R3HDM2: variants seen among roughly 807,000 people sequenced by gnomAD.
R3HDM2 encodes the protein R3H domain-containing protein 2.
A neutral mutation model predicts 124.5 loss-of-function variants in R3HDM2; 38 were observed. That is an observed-to-expected ratio of 0.31 (90% CI 0.24 to 0.40). The LOEUF (loss-of-function observed/expected upper bound fraction) is 0.40. R3HDM2 is among the 10% of genes least tolerant of loss of function. R3HDM2 has a pLI of 1.00. For synonymous variants in R3HDM2, 391 were observed against 448.0 expected (o/e 0.87, Z 1.61); for missense variants, 869 against 1,236.9 (o/e 0.70, Z 4.46).
At chr12:57,264,251 A>G (rs927958965) in intron 19 of R3HDM2, among the ~76,000 whole-genome samples, 3 of 148,758 alleles carry the variant, frequency 2.0e-5, no homozygotes, top group African/African-American at 7.4e-5. Flanking sequence ...CAAAAAAAAA[A>G]AAAAAGACTT....
Position 57,268,296 on chromosome 12 carries a change from T to C in R3HDM2, c.2030+7A>G. On this transcript the variant is annotated splice_region_variant and intron_variant, in intron 18 of 23. Transcript: ENST00000402412. Reference sequence around the variant, plus strand: ...ATGTCCTGTCCTGGCTCTCTGGGAGTCCTCACCTCGTACCGTTCTGCTGAG... The same window carrying C: ...ATGTCCTGTCCTGGCTCTCTGGGAGCCCTCACCTCGTACCGTTCTGCTGAG... 1 of 1,612,072 alleles carries C rather than the reference T, an allele frequency of 6.2e-7. No homozygotes were observed. The highest frequency in any genetic ancestry group is 1.1e-5 in the South Asian group (1 of 90,860).
intron 2 of R3HDM2, among the ~76,000 whole-genome samples, chr12:57,357,242 A>C (rs908267582): frequency 5.9e-5 from 9 of 152,154 alleles, no homozygotes; most frequent in Non-Finnish European, 4.4e-5. Flanking sequence ...TGGGTGAATC[A>C]CCTGAGGTCA....
chr12:57,346,411 C>G (rs999809560), intron 2 of R3HDM2, among the ~76,000 whole-genome samples: 7 of 145,856 alleles, frequency 4.8e-5, no homozygotes, highest in African/African-American at 1.8e-4. Flanking sequence ...TGAGCCAAGA[C>G]CGTGCCATTG....
At chr12:57,412,569 A>T (rs1376072732) in intron 1 of R3HDM2, among the ~76,000 whole-genome samples, 1 of 152,016 alleles carries the variant, frequency 6.6e-6, no homozygotes, top group Admixed American at 6.6e-5. Context: ...AAACAAACAC[A>T]CAAAACCCAC....
In R3HDM2 at chr12:57,282,438, C is replaced by T. The variant is rs78926028; in HGVS notation, c.1171+1386G>A. On this transcript the variant is annotated intron_variant, in intron 13 of 23. Coordinates refer to ENST00000402412, the MANE Select transcript of R3HDM2 (RefSeq NM_001394031.1). ...TACTATTCAGGTGAGGATGCAGAAA[C>T]GAACATTTTTAAAAGACTACTGATG... 2.0e-3 allele frequency among the ~76,000 whole-genome samples: 311 copies of T among 152,098 alleles called. 2 individuals carry two copies. The highest frequency in any genetic ancestry group is 7.0e-3 in the African/African-American group (289 of 41,474).
At chr12:57,256,363 A>C in intron 22 of R3HDM2, 51 bp downstream of exon 22, 14 of 1,418,222 alleles carry the variant, frequency 9.9e-6, no homozygotes, top group Non-Finnish European at 1.3e-5. Flanking sequence ...ACAGGCACCC[A>C]AATAAGAAGA....
chr12:57,291,877 C>T (rs1417743748), intron 11 of R3HDM2, among the ~76,000 whole-genome samples: 1 of 152,124 alleles, frequency 6.6e-6, no homozygotes, highest in African/African-American at 2.4e-5. Flanking sequence ...GCAAAGGCAA[C>T]CAGATACAGG....
At chr12:57,357,378 C>T (rs918614604) in intron 2 of R3HDM2, among the ~76,000 whole-genome samples, 2 of 151,666 alleles carry the variant, frequency 1.3e-5, no homozygotes, top group Admixed American at 6.6e-5. Flanking sequence ...AGGAGAATCG[C>T]TTGAACCTAG....
Position 57,336,925 on chromosome 12 carries a change from TA to T in R3HDM2, c.-35-26463del, listed in dbSNP as rs1428101995. Among the ~76,000 whole-genome samples the T allele has an allele frequency of 3.9e-5, 6 of 152,218 alleles. No homozygotes were observed. In the South Asian group the frequency reaches 1.2e-3, roughly 32 times the overall value. On this transcript the variant is annotated intron_variant, in intron 2 of 23. Coordinates refer to ENST00000402412, the MANE Select transcript of R3HDM2 (RefSeq NM_001394031.1). ...TTGTCTTCCATGCTTTACTTATAAG[TA>T]GATTCTTGAAGTTGAAAAGTAATTT... is the stretch of plus-strand genomic sequence containing the variant.
chr12:57,366,744 C>A (rs1169902114), intron 2 of R3HDM2, among the ~76,000 whole-genome samples: 2 of 152,116 alleles, frequency 1.3e-5, no homozygotes, highest in Non-Finnish European at 2.9e-5. Flanking sequence ...GGCTGGAGTG[C>A]AGTGGCGCGA....
chr12:57,375,108 T>G (rs1389021363), intron 2 of R3HDM2, among the ~76,000 whole-genome samples: 2 of 151,864 alleles, frequency 1.3e-5, no homozygotes, highest in Non-Finnish European at 2.9e-5. Context: ...CAACAATTTA[T>G]GTGACGAAGA....
chr12:57,402,451 A>G (rs1230549758), intron 1 of R3HDM2, among the ~76,000 whole-genome samples: 2 of 152,108 alleles, frequency 1.3e-5, no homozygotes, highest in African/African-American at 2.4e-5. Flanking sequence ...TGGGTTCAAG[A>G]AATTCTCATA....
At position 57,256,441 on chromosome 12, in the gene R3HDM2, A is replaced by G; in HGVS notation, c.2520T>C (p.His840=). The change falls in exon 22 of 24, where the codon CAT becomes CAC. Residue 840 remains histidine (H), a synonymous_variant. Coordinates refer to ENST00000402412, the MANE Select transcript of R3HDM2 (RefSeq NM_001394031.1). ...YNLSICPPLL[H]GQSTYTVHQG... ...GGTGCACCGTGTAAGTTGACTGGCC[A>G]TGGAGCAAGGGAGGGCAGATGGACA... 3 of 1,597,816 alleles carry G rather than the reference A, an allele frequency of 1.9e-6. No homozygotes were observed. The highest frequency in any genetic ancestry group is 2.6e-6 in the Non-Finnish European group (3 of 1,171,766).
chr12:57,350,394 GA>G (rs1438075087), intron 2 of R3HDM2, among the ~76,000 whole-genome samples: 8 of 151,496 alleles, frequency 5.3e-5, no homozygotes, highest in Admixed American at 5.3e-4. Flanking sequence ...TTTTTGAAAA[GA>G]AAAAAAAGCT....
intron 18 of R3HDM2, 141 bp downstream of exon 18, chr12:57,268,162 T>C: frequency 2.5e-6 from 2 of 803,316 alleles, no homozygotes; most frequent in Middle Eastern, 2.5e-4. Flanking sequence ...GAGAATGAAC[T>C]CCCTCATATT....
Position 57,376,704 on chromosome 12 carries a change from C to T in R3HDM2, c.-36+19045G>A, listed in dbSNP as rs192226700. On this transcript the variant is annotated intron_variant, in intron 2 of 23. Transcript: ENST00000402412. ...GTGGCTCACACCTATACTCCCAACACTTTGGGAGGCTGAGGCAGGCGGATC... is the reference window on the plus strand; with the variant it reads ...GTGGCTCACACCTATACTCCCAACATTTTGGGAGGCTGAGGCAGGCGGATC... 2.1e-4 allele frequency among the ~76,000 whole-genome samples: 32 copies of T among 152,174 alleles called. No individual in the cohort carries two copies. The East Asian group carries it at 5.6e-3, about 27-fold the overall frequency.
intron 2 of R3HDM2, among the ~76,000 whole-genome samples, chr12:57,321,388 T>A (rs796237019): frequency 2.0e-5 from 3 of 152,286 alleles, no homozygotes; most frequent in African/African-American, 7.2e-5. Context: ...CAGTGGCTCA[T>A]GCCTGTAATC....
chr12:57,324,285 G>T (rs2056932313), intron 2 of R3HDM2, among the ~76,000 whole-genome samples: 1 of 152,122 alleles, frequency 6.6e-6, no homozygotes, highest in Non-Finnish European at 1.5e-5. Flanking sequence ...CTGGGTTCAA[G>T]CAATTCTCCT....
At chr12:57,277,718 G>A (rs897877525) in intron 14 of R3HDM2, among the ~76,000 whole-genome samples, 1 of 152,184 alleles carries the variant, frequency 6.6e-6, no homozygotes, top group Admixed American at 6.5e-5. Context: ...AAAGTGCTGG[G>A]ATTACAGGCG....
Sources: allele counts gnomAD v4.1 joint callset (sites outside exome capture counted in the v4.1 genomes callset), GRCh38; gene constraint gnomAD v4.1.1; transcripts MANE v1.5; gene names NCBI Gene and HGNC (gene_info 2026-07-23, HGNC 2026-07-21).